Variants in PPP3CA observed in about 807,000 individuals in gnomAD.
PPP3CA encodes the protein protein phosphatase 3 catalytic subunit alpha, also known as CAM-PRP catalytic subunit.
In PPP3CA, 14 loss-of-function variants were observed where a neutral mutation model predicts 66.5. The observed-to-expected ratio is 0.21, with a 90% CI of 0.14 to 0.33. PPP3CA has a LOEUF of 0.33. Among genes scored for constraint, PPP3CA ranks in the 10% least tolerant of loss-of-function variants. The pLI is 1.00. For missense variants in PPP3CA, 317 were observed against 639.5 expected (o/e 0.50, Z 5.44); for synonymous variants, 232 against 226.2 (o/e 1.03, Z -0.23).
At chr4:101,134,463 G>A (rs1722551154) in intron 2 of PPP3CA, among the ~76,000 whole-genome samples, 1 of 152,204 alleles carries the variant, frequency 6.6e-6, no homozygotes, top group Admixed American at 6.5e-5. Context: ...AGACATTTAT[G>A]TGGCCAACAA....
At chr4:101,131,311 C>T (rs1198744796) in intron 2 of PPP3CA, among the ~76,000 whole-genome samples, 1 of 150,268 alleles carries the variant, frequency 6.7e-6, no homozygotes, top group Non-Finnish European at 1.5e-5. Context: ...AAATGGGATA[C>T]AGAGTCAAGA....
intron 2 of PPP3CA, among the ~76,000 whole-genome samples, chr4:101,189,581 AG>A (rs1724525147): frequency 4.0e-5 from 6 of 149,984 alleles, no homozygotes; most frequent in Non-Finnish European, 8.9e-5. Context: ...AATTTCACTG[AG>A]CTTTAGTTTC....
chr4:101,322,633 C>T (rs1729076892), intron 1 of PPP3CA, among the ~76,000 whole-genome samples: 1 of 152,102 alleles, frequency 6.6e-6, no homozygotes. Context: ...TGGTCTCGAA[C>T]TCCTGACCTC....
chr4:101,113,528 G>C (rs1212265115), intron 2 of PPP3CA, among the ~76,000 whole-genome samples: 2 of 152,100 alleles, frequency 1.3e-5, no homozygotes, highest in Non-Finnish European at 2.9e-5. Context: ...AGGAAGGAGG[G>C]ATGAACCTAA....
chr4:101,071,616 T>C (rs1196068458), intron 8 of PPP3CA, among the ~76,000 whole-genome samples: 1 of 152,176 alleles, frequency 6.6e-6, no homozygotes, highest in African/African-American at 2.4e-5. Context: ...GATTTTTTGA[T>C]TGACCCTTTT....
At chr4:101,068,935 T>A (rs1237557587) in intron 8 of PPP3CA, among the ~76,000 whole-genome samples, 1 of 152,206 alleles carries the variant, frequency 6.6e-6, no homozygotes, top group African/African-American at 2.4e-5. Context: ...AATTTGACCA[T>A]GATATTCTTC....
intron 1 of PPP3CA, 78 bp from the exon 2 acceptor site, chr4:101,196,194 A>G (rs1228000812): frequency 7.7e-7 from 1 of 1,306,790 alleles, no homozygotes; most frequent in African/African-American, 1.5e-5. Flanking sequence ...CCAAATATCC[A>G]TCCTCATCAC....
intron 6 of PPP3CA, among the ~76,000 whole-genome samples, chr4:101,085,743 A>G (rs1729636777): frequency 6.6e-6 from 1 of 152,190 alleles, no homozygotes; most frequent in African/African-American, 2.4e-5. Context: ...TAGTATTAGA[A>G]AAGAGAAACA....
rs556244769 is a variant in PPP3CA, at chr4:101,299,106, GTT to G, written c.58+47631_58+47632del. Among the ~76,000 whole-genome samples, 340 of 85,478 alleles carry G rather than the reference GTT, an allele frequency of 4.0e-3. 3 individuals carry two copies. Among genetic ancestry groups the G allele is most frequent in the African/African-American group, 0.018 (330 of 17,866 alleles). 56.1% of individuals were successfully genotyped at this position (85,478 alleles called of 152,430 possible). A position where few individuals can be genotyped will look rare whatever the true frequency, so the allele number is the denominator to read the frequency against. ...ATGTCAATATCAAGTGCCATATATC[GTT>G]TTTTTTTTTTTTTTTTTTTTTTTTG... On this transcript the variant is annotated intron_variant, in intron 1 of 13. Transcript: ENST00000394854.
intron 1 of PPP3CA, among the ~76,000 whole-genome samples, chr4:101,218,957 C>T (rs1199650652): frequency 6.6e-6 from 1 of 152,052 alleles, no homozygotes; most frequent in Non-Finnish European, 1.5e-5. Context: ...CAAATAAACG[C>T]ATTGTCCCTT....
intron 2 of PPP3CA, among the ~76,000 whole-genome samples, chr4:101,136,331 A>T (rs568041578): frequency 7.9e-5 from 12 of 152,082 alleles, no homozygotes; most frequent in Non-Finnish European, 1.6e-4. Context: ...ACTGGAGGTC[A>T]GGAGTTAGAG....
At chr4:101,094,832 T>C (rs1286367084) in intron 5 of PPP3CA, among the ~76,000 whole-genome samples, 1 of 152,150 alleles carries the variant, frequency 6.6e-6, no homozygotes, top group Non-Finnish European at 1.5e-5. Flanking sequence ...GGATCTTTGG[T>C]GAATCAGCAG....
intron 2 of PPP3CA, among the ~76,000 whole-genome samples, chr4:101,186,632 T>C (rs1284059025): frequency 6.6e-6 from 1 of 152,174 alleles, no homozygotes; most frequent in Non-Finnish European, 1.5e-5. Context: ...AATATGTTCA[T>C]GAAAACAAAA....
intron 2 of PPP3CA, among the ~76,000 whole-genome samples, chr4:101,140,382 A>G (rs898515225): frequency 1.4e-4 from 22 of 152,302 alleles, no homozygotes; most frequent in African/African-American, 5.1e-4. Flanking sequence ...AGATCTCAGC[A>G]GCCCAGTGCA....
chr4:101,172,501 TAACAGAG>T (rs1723916636), intron 2 of PPP3CA, among the ~76,000 whole-genome samples: 1 of 150,238 alleles, frequency 6.7e-6, no homozygotes, highest in African/African-American at 2.4e-5. Context: ...GCACTGTGAC[TAACAGAG>T]TTAGTCACAG....
intron 1 of PPP3CA, among the ~76,000 whole-genome samples, chr4:101,259,272 A>C (rs1578603546): frequency 6.6e-6 from 1 of 152,098 alleles, no homozygotes; most frequent in East Asian, 1.9e-4. Flanking sequence ...TAGGAATCTT[A>C]CTGCTAAACA....
intron 2 of PPP3CA, among the ~76,000 whole-genome samples, chr4:101,149,989 G>A (rs1723087684): frequency 6.6e-6 from 1 of 152,062 alleles, no homozygotes; most frequent in South Asian, 2.1e-4. Flanking sequence ...AAAGTCACAG[G>A]GCTATTCAAA....
At position 101,222,201 on chromosome 4, in the gene PPP3CA, A is replaced by G. The variant is rs1578567564; in HGVS notation, c.59-26085T>C. 5.3e-5 allele frequency among the ~76,000 whole-genome samples: 8 copies of G among 151,810 alleles called. No homozygotes were observed. In the East Asian group the frequency reaches 1.6e-3, roughly 29 times the overall value. ...ATATATTATTTTAGGAATTTTATGA[A>G]GTTAACAGTTTTGCCCTTATGACAA... On this transcript the variant is annotated intron_variant, in intron 1 of 13. Transcript: ENST00000394854.
At chr4:101,097,186 T>C (rs776232360) in intron 5 of PPP3CA, among the ~76,000 whole-genome samples, 2 of 152,140 alleles carry the variant, frequency 1.3e-5, no homozygotes, top group African/African-American at 2.4e-5. Context: ...TATGTATCTT[T>C]AGAAGAAATC....
Sources: allele counts gnomAD v4.1 joint callset (sites outside exome capture counted in the v4.1 genomes callset), GRCh38; gene constraint gnomAD v4.1.1; transcripts MANE v1.5; gene names NCBI Gene and HGNC (gene_info 2026-07-23, HGNC 2026-07-21).